SLC7A8: variants seen among roughly 807,000 people sequenced by gnomAD.
The protein encoded by SLC7A8 is solute carrier family 7 member 8, also known as large neutral amino acids transporter small subunit 2.
A neutral mutation model predicts 51.2 loss-of-function variants in SLC7A8; 30 were observed. The ratio of observed to expected loss-of-function variants is 0.59; its 90% CI spans 0.44 to 0.80. SLC7A8 has a LOEUF of 0.80. Among genes scored for constraint, SLC7A8 ranks in the 30% least tolerant of loss-of-function variants. SLC7A8 has a pLI of 0.00. For synonymous variants in SLC7A8, 257 were observed against 275.8 expected (o/e 0.93, Z 0.67); for missense variants, 612 against 674.4 (o/e 0.91, Z 1.03).
At chr14:23,133,447 A>G (rs557332615) in intron 7 of SLC7A8, among the ~76,000 whole-genome samples, 242 of 151,524 alleles carry the variant, frequency 1.6e-3, no homozygotes, top group South Asian at 5.0e-3. Flanking sequence ...TCTCAAAAAA[A>G]AAAAAAAAAA....
chr14:23,141,512 C>A (rs1050139193), intron 4 of SLC7A8, among the ~76,000 whole-genome samples: 4 of 152,136 alleles, frequency 2.6e-5, no homozygotes, highest in African/African-American at 9.7e-5. Context: ...TGCAGTGGCG[C>A]GATCTCAGCT....
At position 23,139,538 on chromosome 14, in the gene SLC7A8, G is replaced by A. The variant is rs761193053; in HGVS notation, c.798C>T (p.Pro266=). The A allele has an allele frequency of 5.6e-6, 9 of 1,613,606 alleles. No homozygotes were observed. The East Asian group carries it at 1.6e-4, about 28-fold the overall frequency. The change falls in exon 6 of 11, where the codon CCC becomes CCT. Residue 266 remains proline (P), a synonymous_variant. Transcript: ENST00000316902. The part of the protein sequence containing the change: ...EELVDPYKNL[P]RAIFISIPLV... The stretch of plus-strand genomic sequence containing the variant: ...GTGGGATGGAGATGAAGATGGCTCT[G>A]GGAAGGTTCCTGTAGAGGGAGAGGA...
chr14:23,165,093 C>A lies in SLC7A8; in HGVS notation c.508+192G>T, dbSNP rs1403491291. On this transcript the variant is annotated intron_variant, in intron 3 of 10. Coordinates refer to ENST00000316902, the MANE Select transcript of SLC7A8 (RefSeq NM_012244.4). This position sits in a 1 kb window ranked among gnomAD's most constrained non-coding sequence, Gnocchi z 4.2. ...TCAGACTGGGTGCAGTGGCTCACACCTGTAACCACAACACTTTGGGAGGCC... is the reference window on the plus strand; with the variant it reads ...TCAGACTGGGTGCAGTGGCTCACACATGTAACCACAACACTTTGGGAGGCC... Among the ~76,000 whole-genome samples, 1 of 152,030 alleles carries A rather than the reference C, an allele frequency of 6.6e-6. No homozygotes were observed. Among genetic ancestry groups the A allele is most frequent in the East Asian group, 1.9e-4 (1 of 5,194 alleles).
At chr14:23,178,275 G>C (rs1328141684) in intron 1 of SLC7A8, among the ~76,000 whole-genome samples, 3 of 152,144 alleles carry the variant, frequency 2.0e-5, no homozygotes, top group Non-Finnish European at 4.4e-5. Context: ...ACCCTCTTTC[G>C]ACTTTGGGGG....
Position 23,126,942 on chromosome 14 carries a change from T to G in SLC7A8, c.*235A>C. ...TCCCCTCTCCTCCAGCAGCTGGGAG[T>G]GTGGGCAGCACTGGAGTGGGGCCTG... On this transcript the variant is annotated 3_prime_UTR_variant, in exon 11 of 11. Transcript: ENST00000316902. 1.9e-6 allele frequency: 1 copy of G among 535,414 alleles called. No homozygotes were observed. 33.2% of individuals were successfully genotyped at this position (535,414 alleles called of 1,614,324 possible).
At chr14:23,141,157 T>C (rs963757425) in intron 4 of SLC7A8, among the ~76,000 whole-genome samples, 7 of 152,142 alleles carry the variant, frequency 4.6e-5, no homozygotes, top group South Asian at 2.1e-4. Flanking sequence ...TGGTGGTGCA[T>C]GCCTATAGGC....
intron 5 of SLC7A8, among the ~76,000 whole-genome samples, chr14:23,140,052 CA>C: frequency 6.6e-6 from 1 of 152,144 alleles, no homozygotes; most frequent in East Asian, 1.9e-4. Context: ...AAAATGAAGG[CA>C]ATAAAACAAC....
chr14:23,132,888 G>A (rs181300891), intron 7 of SLC7A8, among the ~76,000 whole-genome samples: 14 of 151,640 alleles, frequency 9.2e-5, no homozygotes, highest in African/African-American at 3.1e-4. Flanking sequence ...TGCCCGCCTC[G>A]GCCTCCCAAA....
chr14:23,151,438 G>A (rs996151410), intron 3 of SLC7A8, among the ~76,000 whole-genome samples: 2 of 152,110 alleles, frequency 1.3e-5, no homozygotes, highest in Non-Finnish European at 2.9e-5. Context: ...ACATATTGTG[G>A]CTGTCTCTCC....
At chr14:23,133,440 CAAAAA>C (rs10577714) in intron 7 of SLC7A8, among the ~76,000 whole-genome samples, 6 of 93,204 alleles carry the variant, frequency 6.4e-5, no homozygotes, top group Admixed American at 1.2e-4. Flanking sequence ...GAACCTGTCT[CAAAAA>C]AAAAAAAAAA....
In SLC7A8 at chr14:23,166,370, AG is replaced by A; in HGVS notation, c.321del (p.Ser108ProfsTer14). On this transcript the variant is annotated frameshift_variant, in exon 2 of 11. Transcript: ENST00000316902. LOFTEE classifies it high-confidence loss of function. ...CCTCCGAAGATGTCCTTGACATAGG[AG>A]TAGTCACCTCCAGATTTGGGGATGG... ...GVTIPKSGGD[Y>X]SYVKDIFGGL... The A allele has an allele frequency of 6.2e-7, 1 of 1,614,116 alleles. No individual in the cohort carries two copies. Among genetic ancestry groups the A allele is most frequent in the Non-Finnish European group, 8.5e-7 (1 of 1,180,050 alleles).
chr14:23,126,745 ACCC>A lies in SLC7A8; in HGVS notation c.*429_*431del, dbSNP rs1455598217. On this transcript the variant is annotated 3_prime_UTR_variant, in exon 11 of 11. Coordinates refer to ENST00000316902, the MANE Select transcript of SLC7A8 (RefSeq NM_012244.4). Reference sequence around the variant, plus strand: ...ATAGGGTCTTGGGTCTCTCCAGCTGACCCCTTGATGGGGACAGAATTGCTTGAG... The same window carrying A: ...ATAGGGTCTTGGGTCTCTCCAGCTGACTTGATGGGGACAGAATTGCTTGAG... The A allele has an allele frequency of 1.0e-5, 2 of 196,206 alleles. No individual in the cohort carries two copies. Among genetic ancestry groups the A allele is most frequent in the Admixed American group, 5.4e-5 (1 of 18,650 alleles). The allele number at this position is 196,206 out of a possible 1,614,324, so 12.2% of individuals were successfully genotyped here.
chr14:23,128,877 G>A lies in SLC7A8; in HGVS notation c.1264-681C>T, dbSNP rs185975893. On this transcript the variant is annotated intron_variant, in intron 9 of 10. Transcript: ENST00000316902. The surrounding 1 kb of genome is among the most constrained non-coding windows in gnomAD (Gnocchi z 4.3). ...TCTAGCAGATTTTCTAAGTGTGAGA[G>A]TAGAAAATGGCGGTGGAAATGCCAG... is the stretch of plus-strand genomic sequence containing the variant. 6.6e-6 allele frequency among the ~76,000 whole-genome samples: 1 copy of A among 152,354 alleles called. No homozygotes were observed. The highest frequency in any genetic ancestry group is 6.5e-5 in the Admixed American group (1 of 15,306).
intron 4 of SLC7A8, among the ~76,000 whole-genome samples, 164 bp from the exon 5 acceptor site, chr14:23,140,788 A>T (rs1332054187): frequency 2.0e-5 from 3 of 152,224 alleles, no homozygotes; most frequent in Admixed American, 2.0e-4. Context: ...TAAAGGGAGC[A>T]GGGAATTTCA....
At chr14:23,160,601 G>A (rs899802294) in intron 3 of SLC7A8, among the ~76,000 whole-genome samples, 19 of 150,494 alleles carry the variant, frequency 1.3e-4, no homozygotes, top group Non-Finnish European at 2.5e-4. Flanking sequence ...GCACGCTGTA[G>A]GAATAACCTG....
intron 3 of SLC7A8, among the ~76,000 whole-genome samples, chr14:23,164,280 G>A (rs2048937813): frequency 1.3e-5 from 2 of 152,266 alleles, no homozygotes; most frequent in Non-Finnish European, 2.9e-5. Flanking sequence ...GACTTGACAA[G>A]TTGAGGTAGA....
intron 4 of SLC7A8, 71 bp downstream of exon 4, chr14:23,143,008 C>A: frequency 6.4e-7 from 1 of 1,572,436 alleles, no homozygotes; most frequent in Non-Finnish European, 8.7e-7. Context: ...ACTTCCAAAG[C>A]TGGGCTGAGA....
At chr14:23,170,767 C>T (rs560849995) in intron 1 of SLC7A8, among the ~76,000 whole-genome samples, 2 of 152,110 alleles carry the variant, frequency 1.3e-5, no homozygotes, top group African/African-American at 4.8e-5. Flanking sequence ...ACTCTTTCAC[C>T]CAAGCTGGAG....
At chr14:23,141,742 C>T (rs1594824389) in intron 4 of SLC7A8, among the ~76,000 whole-genome samples, 1 of 152,356 alleles carries the variant, frequency 6.6e-6, no homozygotes. Flanking sequence ...GCGTAAGCCA[C>T]CATGCCTGGC....
Sources: gnomAD v4.1 joint callset for allele counts (sites outside exome capture counted in the v4.1 genomes callset) on GRCh38, gnomAD v4.1.1 for gene constraint, Gnocchi (gnomAD v3.1) non-coding constraint, MANE v1.5 for transcripts, NCBI Gene and HGNC (gene_info 2026-07-23, HGNC 2026-07-21) for gene names.